VIRMA: variants seen among roughly 807,000 people sequenced by gnomAD.
The protein encoded by VIRMA is vir like m6A methyltransferase associated.
In VIRMA, 65 loss-of-function variants were observed where a neutral mutation model predicts 182.4. The ratio of observed to expected loss-of-function variants is 0.36; its 90% CI spans 0.29 to 0.44. The LOEUF is 0.44. Ranked by LOEUF, VIRMA falls within the 20% of genes least tolerant of loss-of-function variation. VIRMA has a pLI of 1.00. For missense variants in VIRMA, 1,752 were observed against 2,158.1 expected, an observed-to-expected ratio of 0.81 and a Z score of 3.73; for synonymous variants, 709 against 743.1, an observed-to-expected ratio of 0.95 and a Z score of 0.75.
chr8:94,496,384 G>C lies in VIRMA; in HGVS notation c.4327C>G (p.Gln1443Glu), dbSNP rs759925259. Residue 1443 changes from glutamine (Q) to glutamate (E), a missense_variant, in exon 18 of 24, where the codon CAA becomes GAA. Gln to Glu is a conservative substitution (Grantham distance 29, BLOSUM62 2). Transcript: ENST00000297591. ...INAAELKQLL[Q>E]SKEESPENLF... ...TTTTCTGGACTTTCTTCTTTGCTTT[G>C]TAGAAGCTGTTTTAACTCTGCAGCA... is the stretch of plus-strand genomic sequence containing the variant. The C allele has an allele frequency of 6.2e-7, 1 of 1,613,478 alleles. No individual in the cohort carries two copies. Among genetic ancestry groups the C allele is most frequent in the Non-Finnish European group, 8.5e-7 (1 of 1,179,714 alleles).
At chr8:94,510,960 A>G (rs572227546) in intron 13 of VIRMA, 30 of 1,342,842 alleles carry the variant, frequency 2.2e-5, no homozygotes, top group South Asian at 1.7e-4. Flanking sequence ...ACAAACATAC[A>G]TAACAGCAAA....
intron 1 of VIRMA, among the ~76,000 whole-genome samples, chr8:94,545,031 A>G (rs1007236366): frequency 1.3e-5 from 2 of 152,018 alleles, no homozygotes. Flanking sequence ...GGGCTGAGGT[A>G]GGAGGATCAC....
rs1170265429 is a variant in VIRMA, at chr8:94,532,587, T to C, written c.485-1502A>G. On this transcript the variant is annotated intron_variant, in intron 5 of 23. Transcript: ENST00000297591. ...ATTGTACTATATTTATAAAAGATGT[T>C]ATCACTGGGGGAGGCTAAAGAGTGC... Among the ~76,000 whole-genome samples, 3 of 152,314 alleles carry C rather than the reference T, an allele frequency of 2.0e-5. No individual in the cohort carries two copies. The East Asian group carries it at 5.8e-4, about 29-fold the overall frequency.
In VIRMA at chr8:94,496,458, C is replaced by A; in HGVS notation, c.4253G>T (p.Gly1418Val). ...DTIGCCGDDN[G>V]LMEVEGAHTS... ...ATGAGCTCCCTCTACTTCCATGAGA[C>A]CATTATCATCTCCACAGCATCCCTG... Residue 1418 changes from glycine to valine, a missense_variant, in exon 18 of 24, where the codon GGT (glycine) becomes GTT (valine). Physicochemically the swap from Gly to Val is moderately radical, Grantham distance 109 (BLOSUM62 -3). Coordinates refer to ENST00000297591, the MANE Select transcript of VIRMA (RefSeq NM_015496.5). 6.2e-7 allele frequency: 1 copy of A among 1,611,928 alleles called. No homozygotes were observed. The highest frequency in any genetic ancestry group is 1.1e-5 in the South Asian group (1 of 90,380).
rs779794817 is a variant in VIRMA, at chr8:94,517,911, T to C, written c.2545A>G (p.Asn849Asp). Residue 849 changes from asparagine (N) to aspartate (D), a missense_variant, in exon 10 of 24, where the codon AAT (asparagine) becomes GAT (aspartate). Physicochemically the swap from Asn to Asp is conservative, Grantham distance 23. This residue lies in a region of VIRMA where 777 missense variants were observed against 920.6 expected (regional missense o/e 0.84). Coordinates refer to ENST00000297591, the MANE Select transcript of VIRMA (RefSeq NM_015496.5). ...ACCAAAATAAGTATGCATGCGTAAT[T>C]ATAAGCTACTGACTTCTTAGATTTG... ...DSKSKKSVAYNYACILILVVV... is the reference protein window; with the variant it reads ...DSKSKKSVAYDYACILILVVV... 3 of 1,613,000 alleles carry C rather than the reference T, an allele frequency of 1.9e-6. No homozygotes were observed. The highest frequency in any genetic ancestry group is 2.2e-5 in the South Asian group (2 of 91,002).
At chr8:94,516,003 G>A (rs1335184764) in intron 10 of VIRMA, among the ~76,000 whole-genome samples, 3 of 151,892 alleles carry the variant, frequency 2.0e-5, no homozygotes, top group Non-Finnish European at 4.4e-5. Context: ...AGCTACTAGG[G>A]AGGCTGAGGC....
At chr8:94,508,095 CTG>C (rs1814234894) in intron 15 of VIRMA, among the ~76,000 whole-genome samples, 1 of 151,840 alleles carries the variant, frequency 6.6e-6, no homozygotes, top group African/African-American at 2.4e-5. Flanking sequence ...TAGAAGTAAA[CTG>C]AATTTTTTTT....
chr8:94,548,634 G>A (rs1815862342), intron 1 of VIRMA, among the ~76,000 whole-genome samples: 1 of 145,852 alleles, frequency 6.9e-6, no homozygotes, highest in Non-Finnish European at 1.5e-5. Context: ...GAGATATAGT[G>A]TGCTTTTTTA....
In VIRMA at chr8:94,526,361, A is replaced by C. The variant is rs1410176637; in HGVS notation, c.1883T>G (p.Ile628Ser). The C allele has an allele frequency of 2.5e-6, 4 of 1,614,070 alleles. No homozygotes were observed. Among genetic ancestry groups the C allele is most frequent in the Non-Finnish European group, 3.4e-6 (4 of 1,180,020 alleles). Residue 628 changes from isoleucine to serine, a missense_variant, in exon 8 of 24, where the codon ATT (isoleucine) becomes AGT (serine). Ile to Ser is a moderately radical substitution (Grantham distance 142, BLOSUM62 -2). Transcript: ENST00000297591. ...ATGAAAAACTTCTTCTAGGAGGTTA[A>C]TAAGCCTTTCTATTTCCCCTTCACT... ...NISEGEIERL[I>S]NLLEEVFHLM... is the part of the protein sequence containing the mutation.
intron 8 of VIRMA, among the ~76,000 whole-genome samples, chr8:94,525,241 A>T (rs1814918516): frequency 6.6e-6 from 1 of 152,194 alleles, no homozygotes; most frequent in South Asian, 2.1e-4. Flanking sequence ...GCCCAGCCTG[A>T]ATGTTTTAGG....
At chr8:94,514,715 T>A (rs552618234) in intron 11 of VIRMA, among the ~76,000 whole-genome samples, 154 bp downstream of exon 11, 1 of 152,224 alleles carries the variant, frequency 6.6e-6, no homozygotes, top group Non-Finnish European at 1.5e-5. Flanking sequence ...CGTCCATCTA[T>A]ATGCATATAC....
intron 2 of VIRMA, among the ~76,000 whole-genome samples, chr8:94,538,899 C>G (rs1019632206): frequency 2.0e-5 from 3 of 151,424 alleles, no homozygotes; most frequent in African/African-American, 7.3e-5. Flanking sequence ...AACCACTGCG[C>G]CTGGCCTCCC....
chr8:94,540,814 GAAAAAGAGCTA>G (rs1175299003), intron 2 of VIRMA, among the ~76,000 whole-genome samples: 1 of 151,974 alleles, frequency 6.6e-6, no homozygotes, highest in Non-Finnish European at 1.5e-5. Flanking sequence ...TCAAGAAAAG[GAAAAAGAGCTA>G]AAATACAAAC....
At chr8:94,536,517 G>A (rs1375082007) in intron 4 of VIRMA, among the ~76,000 whole-genome samples, 4 of 152,196 alleles carry the variant, frequency 2.6e-5, no homozygotes, top group Non-Finnish European at 5.9e-5. Flanking sequence ...CAATTTGCCT[G>A]CCTGTCGTCT....
Position 94,490,888 on chromosome 8 carries a change from A to G in VIRMA, c.5140+690T>C, listed in dbSNP as rs529977002. ...TGTAACAATTTCAAACAGACTAAAT[A>G]TAACATTAGAAAACAAGCAGATTAG... On this transcript the variant is annotated intron_variant, in intron 22 of 23. Transcript: ENST00000297591. 2.5e-4 allele frequency among the ~76,000 whole-genome samples: 38 copies of G among 152,166 alleles called. No individual in the cohort carries two copies. In the South Asian group the frequency reaches 6.2e-3, roughly 25 times the overall value.
intron 21 of VIRMA, among the ~76,000 whole-genome samples, chr8:94,492,299 T>G (rs1813627721): frequency 6.6e-6 from 1 of 151,502 alleles, no homozygotes; most frequent in Admixed American, 6.6e-5. Context: ...TTTTTTTTTT[T>G]GAGAGACAGA....
intron 22 of VIRMA, 149 bp from the exon 23 acceptor site, chr8:94,490,231 G>A: frequency 1.2e-6 from 1 of 815,516 alleles, no homozygotes; most frequent in Non-Finnish European, 1.8e-6. Flanking sequence ...ACATCACAGT[G>A]GTTAAGAGCA....
chr8:94,488,510 T>C lies in VIRMA; in HGVS notation c.*196A>G, dbSNP rs1211523266. ...ATAGTCATACAAAAAAGGGAAAATA[T>C]ATACAAACGTACATACAAAGTTTGG... On this transcript the variant is annotated 3_prime_UTR_variant, in exon 24 of 24. Transcript: ENST00000297591. The C allele has an allele frequency of 1.1e-5, 5 of 460,084 alleles. No homozygotes were observed. The highest frequency in any genetic ancestry group is 9.7e-5 in the East Asian group (3 of 30,812). The allele number at this position is 460,084 out of a possible 1,614,324, so 28.5% of individuals were successfully genotyped here. A position where few individuals can be genotyped will look rare whatever the true frequency, so the allele number is the denominator to read the frequency against.
Position 94,490,345 on chromosome 8 carries a change from G to T in VIRMA, c.5141-263C>A, listed in dbSNP as rs191252208. 1.1e-4 allele frequency among the ~76,000 whole-genome samples: 16 copies of T among 152,272 alleles called. No individual in the cohort carries two copies. The East Asian group carries it at 2.9e-3, about 28-fold the overall frequency. On this transcript the variant is annotated intron_variant, in intron 22 of 23. Coordinates refer to ENST00000297591, the MANE Select transcript of VIRMA (RefSeq NM_015496.5). Reference sequence around the variant, plus strand: ...CAATTTTCTCTTCTGCAAATTGGGAGTACTAAGAGAACTTGCCTCATGGGG... The same window carrying T: ...CAATTTTCTCTTCTGCAAATTGGGATTACTAAGAGAACTTGCCTCATGGGG...
Sources: allele counts gnomAD v4.1 joint callset (sites outside exome capture counted in the v4.1 genomes callset), GRCh38; gene constraint gnomAD v4.1.1; regional missense constraint gnomAD v4.1.1; transcripts MANE v1.5; gene names NCBI Gene and HGNC (gene_info 2026-07-23, HGNC 2026-07-21).